FRMD8: variants seen among roughly 807,000 people sequenced by gnomAD.
FRMD8 encodes FERM domain-containing protein 8.
A neutral mutation model predicts 54.2 loss-of-function variants in FRMD8; 37 were observed. That is an observed-to-expected ratio of 0.68 (90% confidence interval 0.53 to 0.90). The LOEUF (loss-of-function observed/expected upper bound fraction) is 0.90, where lower values mean the gene tolerates loss of function less well. Ranked by LOEUF, FRMD8 falls within the 40% of genes least tolerant of loss-of-function variation. The pLI, the probability that FRMD8 is intolerant of heterozygous loss-of-function variation, is 0.00. For missense variants in FRMD8, 585 were observed against 653.7 expected, an observed-to-expected ratio of 0.89 and a Z score of 1.15; for synonymous variants, 246 against 286.9, an observed-to-expected ratio of 0.86 and a Z score of 1.44.
the FRMD8 span, among the ~76,000 whole-genome samples, chr11:65,374,376 C>T: frequency 2.0e-5 from 3 of 152,150 alleles, no homozygotes; most frequent in Non-Finnish European, 4.4e-5. Flanking sequence ...CTGGACACTG[C>T]GGCTGGAAGC....
chr11:65,384,763 G>A (rs1855704141), upstream of FRMD8, among the ~76,000 whole-genome samples: 1 of 152,190 alleles, frequency 6.6e-6, no homozygotes, highest in Non-Finnish European at 1.5e-5. Flanking sequence ...GGAATACAGT[G>A]GCAGGATGGC....
In FRMD8 at chr11:65,412,436, T is replaced by G. The variant is rs969962046; in HGVS notation, c.*1076T>G. 1 of 152,288 alleles carries G rather than the reference T, an allele frequency of 6.6e-6. No homozygotes were observed. Among genetic ancestry groups the G allele is most frequent in the Non-Finnish European group, 1.5e-5 (1 of 68,084 alleles). The allele number at this position is 152,288 out of a possible 1,614,324, so 9.4% of individuals were successfully genotyped here. ...AGCCTGGGCCACACGGGACACTCTC[T>G]TCTTTATCGAGGACACTTGGAAAGG... On this transcript the variant is annotated 3_prime_UTR_variant, in exon 11 of 11. Transcript: ENST00000317568.
In FRMD8 at chr11:65,404,100, G is replaced by A. The variant is rs1252532950; in HGVS notation, c.1072-764G>A. ...AGGGATTGTAGCTGCCCTGTGGAGA[G>A]GCAGGAGCCAGGCCAGTCTCCGCAG... On this transcript the variant is annotated intron_variant, in intron 9 of 10. Coordinates refer to ENST00000317568, the MANE Select transcript of FRMD8 (RefSeq NM_031904.5). The surrounding 1 kb of genome is among the most constrained non-coding windows in gnomAD (Gnocchi z 4.7). Among the ~76,000 whole-genome samples the A allele has an allele frequency of 6.6e-6, 1 of 152,168 alleles. No homozygotes were observed. The highest frequency in any genetic ancestry group is 1.5e-5 in the Non-Finnish European group (1 of 68,010).
intron 9 of FRMD8, among the ~76,000 whole-genome samples, chr11:65,402,902 ATTGTTT>A (rs1215192750): frequency 1.3e-5 from 2 of 151,870 alleles, no homozygotes; most frequent in East Asian, 3.9e-4. Flanking sequence ...TAGAAATATA[ATTGTTT>A]TTGTTTTTTT....
rs749412036 is a variant in FRMD8 at position 65,394,255 on chromosome 11, G to A, written c.415-4G>A. The A allele has an allele frequency of 6.2e-6, 10 of 1,600,284 alleles. No homozygotes were observed. In the South Asian group the frequency reaches 9.0e-5, roughly 14 times the overall value. On this transcript the variant is annotated splice_polypyrimidine_tract_variant and splice_region_variant and intron_variant, in intron 5 of 10. Coordinates refer to ENST00000317568, the MANE Select transcript of FRMD8 (RefSeq NM_031904.5). ...GCGGCTGTCCCTGCCACACCCCCCT[G>A]CAGATCCATGACGAGGAGGTCCTGC...
At chr11:65,382,089 A>G (rs969952623), upstream of FRMD8, 20 of 776,694 alleles carry the variant, frequency 2.6e-5, no homozygotes, top group African/African-American at 2.7e-4. The surrounding 1 kb of genome is among the most constrained non-coding windows in gnomAD (Gnocchi z 4.4). Context: ...CCTGGTGCCC[A>G]GACCTCCGGC....
At chr11:65,368,602 C>T in the FRMD8 span, among the ~76,000 whole-genome samples, 6 of 152,078 alleles carry the variant, frequency 3.9e-5, no homozygotes, top group African/African-American at 1.2e-4. Context: ...CTTGCTCTGT[C>T]GCCCAGGCTG....
intron 1 of FRMD8, 136 bp downstream of exon 1, chr11:65,386,897 C>T: frequency 1.4e-6 from 1 of 740,508 alleles, no homozygotes; most frequent in Non-Finnish European, 2.3e-6. Flanking sequence ...CCGGTCTGCA[C>T]TCTTGGCCCC....
chr11:65,409,027 G>T (rs950021560), intron 10 of FRMD8, among the ~76,000 whole-genome samples: 7 of 152,166 alleles, frequency 4.6e-5, no homozygotes, highest in African/African-American at 1.7e-4. Context: ...ACCCACAATG[G>T]GTGTAATCAT....
chr11:65,397,710 TG>T (rs1302144492), intron 7 of FRMD8, among the ~76,000 whole-genome samples: 2 of 152,054 alleles, frequency 1.3e-5, no homozygotes, highest in Non-Finnish European at 2.9e-5. Flanking sequence ...TTTAGGAATT[TG>T]GTTTTTTGTT....
the FRMD8 span, chr11:65,379,398 C>T: frequency 1.9e-6 from 3 of 1,611,340 alleles, no homozygotes; most frequent in Non-Finnish European, 2.5e-6. Flanking sequence ...CCCGGTGCAG[C>T]CCGCTAGGAA....
chr11:65,386,350 G>A (rs1232008535), upstream of FRMD8, among the ~76,000 whole-genome samples: 1 of 152,232 alleles, frequency 6.6e-6, no homozygotes, highest in Non-Finnish European at 1.5e-5. Context: ...CTAGCCCGAA[G>A]ACCCAGCGTG....
chr11:65,368,856 C>A, the FRMD8 span, among the ~76,000 whole-genome samples: 1 of 152,166 alleles, frequency 6.6e-6, no homozygotes, highest in African/African-American at 2.4e-5. Context: ...AGCCACCACG[C>A]CCGGTCTACC....
In FRMD8 at chr11:65,400,811, G is replaced by A. The variant is rs756277376; in HGVS notation, c.1015G>A (p.Asp339Asn). ...GGAGCCCATCTTGTGGCTGGAGTTCGACGGGGACAGCGAGGGCACACCTGT... is the reference window on the plus strand; with the variant it reads ...GGAGCCCATCTTGTGGCTGGAGTTCAACGGGGACAGCGAGGGCACACCTGT... The part of the protein sequence containing the change: ...EEEPILWLEF[D>N]GDSEGTPVNK... The change falls in exon 9 of 11, where the codon GAC becomes AAC. Residue 339 changes from aspartate to asparagine, a missense_variant. Physicochemically the swap from Asp to Asn is conservative, Grantham distance 23 (BLOSUM62 1). Transcript: ENST00000317568. The surrounding 1 kb of genome is among the most constrained non-coding windows in gnomAD (Gnocchi z 4.3). The A allele has an allele frequency of 5.6e-6, 9 of 1,612,918 alleles. No individual in the cohort carries two copies. Among genetic ancestry groups the A allele is most frequent in the South Asian group, 1.1e-5 (1 of 90,718 alleles).
chr11:65,403,070 G>T (rs1856115890), intron 9 of FRMD8, among the ~76,000 whole-genome samples: 1 of 152,132 alleles, frequency 6.6e-6, no homozygotes, highest in Admixed American at 6.5e-5. Context: ...TAGAGACAAG[G>T]TCTCACTATG....
At chr11:65,378,896 G>C in the FRMD8 span, 1 of 164,630 alleles carries the variant, frequency 6.1e-6, no homozygotes, top group African/African-American at 2.4e-5. Flanking sequence ...TGGGCCTCAG[G>C]TGAGGCTCCC....
At chr11:65,381,417 C>T in the FRMD8 span, 1 of 160,824 alleles carries the variant, frequency 6.2e-6, no homozygotes, top group Non-Finnish European at 1.4e-5. Context: ...GCATGAGCCA[C>T]CGCGCCCAGC....
At chr11:65,395,136 G>A (rs1338538313) in intron 6 of FRMD8, among the ~76,000 whole-genome samples, 10 of 151,966 alleles carry the variant, frequency 6.6e-5, no homozygotes, top group African/African-American at 2.2e-4. Flanking sequence ...AATCCCAGCC[G>A]TTTGGGAGGC....
the FRMD8 span, chr11:65,379,998 T>C: frequency 6.2e-7 from 1 of 1,601,290 alleles, no homozygotes; most frequent in Non-Finnish European, 8.6e-7. Flanking sequence ...AACCTTTCCC[T>C]CTGCCCCCTC....
Sources: allele counts gnomAD v4.1 joint callset (sites outside exome capture counted in the v4.1 genomes callset), GRCh38; gene constraint gnomAD v4.1.1; non-coding constraint Gnocchi (gnomAD v3.1); transcripts MANE v1.5; gene names NCBI Gene and HGNC (gene_info 2026-07-23, HGNC 2026-07-21).